The following PRR23E variants were observed in gnomAD, a reference collection of about 807,000 sequenced individuals.
PRR23E encodes the protein proline-rich protein 23E.
chr3:127,197,796 C>T, the PRR23E span: 1 of 163,778 alleles, frequency 6.1e-6, no homozygotes, highest in East Asian at 1.7e-4. Context: ...GGCACCTGTG[C>T]CACCCTCCAG....
the PRR23E span, chr3:127,197,787 G>A: frequency 6.0e-6 from 1 of 166,352 alleles, no homozygotes; most frequent in Non-Finnish European, 1.3e-5. Context: ...TGGTATTTGG[G>A]CACCTGTGCC....
the PRR23E span, among the ~76,000 whole-genome samples, chr3:127,193,647 CG>C: frequency 3.7e-4 from 56 of 152,286 alleles, no homozygotes; most frequent in East Asian, 9.9e-3. Context: ...CTCCCAGGCC[CG>C]CCCTAGGGGA....
chr3:127,193,830 A>G, the PRR23E span, among the ~76,000 whole-genome samples: 3 of 152,274 alleles, frequency 2.0e-5, no homozygotes, highest in African/African-American at 7.2e-5. Context: ...TGTAAAAATC[A>G]AAGTTCCATT....
chr3:127,197,349 C>A, the PRR23E span: 1 of 1,591,986 alleles, frequency 6.3e-7, no homozygotes, highest in Non-Finnish European at 8.5e-7. Context: ...TCAGCTGGAC[C>A]CGGGCTGCTC....
At chr3:127,193,993 T>G in the PRR23E span, among the ~76,000 whole-genome samples, 2 of 152,244 alleles carry the variant, frequency 1.3e-5, no homozygotes, top group African/African-American at 4.8e-5. Flanking sequence ...GCTGTCTGTA[T>G]CTGACATATG....
the PRR23E span, among the ~76,000 whole-genome samples, chr3:127,195,637 G>A: frequency 1.3e-5 from 2 of 152,240 alleles, no homozygotes; most frequent in Admixed American, 1.3e-4. Flanking sequence ...GTTGTGGGGT[G>A]TTTCCAGTCA....
At chr3:127,196,929 C>T in the PRR23E span, 1 of 1,599,464 alleles carries the variant, frequency 6.3e-7, no homozygotes, top group Non-Finnish European at 8.5e-7. Flanking sequence ...CCCGTGGGTG[C>T]TCTATGGTGG....
At chr3:127,193,594 TG>T in the PRR23E span, among the ~76,000 whole-genome samples, 1 of 151,984 alleles carries the variant, frequency 6.6e-6, no homozygotes, top group Admixed American at 6.5e-5. Context: ...AGCTGCGAGG[TG>T]TGGGTAGAGG....
chr3:127,193,493 G>A, the PRR23E span, among the ~76,000 whole-genome samples: 3 of 151,956 alleles, frequency 2.0e-5, no homozygotes, highest in African/African-American at 7.3e-5. Flanking sequence ...GCTCTCTCCA[G>A]CCTGTTCCCT....
chr3:127,196,626 C>T, the PRR23E span: 8 of 1,496,808 alleles, frequency 5.3e-6, no homozygotes, highest in East Asian at 2.4e-5. Context: ...GTGGCCTCAG[C>T]TTGCAGAGGA....
At chr3:127,197,633 T>C in the PRR23E span, 3 of 424,616 alleles carry the variant, frequency 7.1e-6, no homozygotes, top group Non-Finnish European at 1.2e-5. Context: ...TGGCACCTTT[T>C]CTCCTCCCCA....
chr3:127,196,726 T>C, the PRR23E span: 1 of 1,593,718 alleles, frequency 6.3e-7, no homozygotes, highest in Non-Finnish European at 8.5e-7. Context: ...GAGCAGAAGG[T>C]CCGCCGTGCC....
the PRR23E span, among the ~76,000 whole-genome samples, chr3:127,193,604 G>A: frequency 6.6e-6 from 1 of 152,290 alleles, no homozygotes; most frequent in Non-Finnish European, 1.5e-5. Flanking sequence ...TGTGGGTAGA[G>A]GCCCAGATTA....
the PRR23E span, chr3:127,196,507 A>T: frequency 5.0e-5 from 46 of 927,604 alleles, no homozygotes; most frequent in East Asian, 8.4e-5. Flanking sequence ...CTGTCACCTC[A>T]CCCCCAGCTG....
the PRR23E span, chr3:127,196,656 C>T: frequency 1.1e-4 from 167 of 1,552,144 alleles, no homozygotes; most frequent in African/African-American, 3.5e-4. Flanking sequence ...CCAGACACTT[C>T]GGGGCTTTGA....
At chr3:127,193,372 C>G in the PRR23E span, 1 of 152,378 alleles carries the variant, frequency 6.6e-6, no homozygotes, top group Non-Finnish European at 1.5e-5. Context: ...TCTCCGCACT[C>G]TCCCACCCAA....
chr3:127,193,555 C>G, the PRR23E span, among the ~76,000 whole-genome samples: 1 of 152,146 alleles, frequency 6.6e-6, no homozygotes, highest in African/African-American at 2.4e-5. Flanking sequence ...CTGCCTGCCC[C>G]CTCGCAGAAT....
chr3:127,197,538 A>C, the PRR23E span: 1 of 743,328 alleles, frequency 1.3e-6, no homozygotes, highest in African/African-American at 1.8e-5. Flanking sequence ...TTCAGTACAG[A>C]GTACACCTCC....
chr3:127,196,454 C>T, the PRR23E span: 2 of 621,854 alleles, frequency 3.2e-6, no homozygotes, highest in East Asian at 2.9e-5. Flanking sequence ...CCCAGGACAC[C>T]TTGCTCCCCA....
Sources: gnomAD v4.1 joint callset for allele counts (sites outside exome capture counted in the v4.1 genomes callset) on GRCh38, gnomAD v4.1.1 for gene constraint, MANE v1.5 for transcripts, NCBI Gene and HGNC (gene_info 2026-07-23, HGNC 2026-07-21) for gene names.